Variants in CCDC167 observed in about 807,000 individuals in gnomAD.
The protein encoded by CCDC167 is coiled-coil domain containing 167, also known as coiled-coil domain-containing protein 167.
A neutral mutation model predicts 12.7 loss-of-function variants in CCDC167; 15 were observed. The observed-to-expected ratio is 1.18, with a 90% CI of 0.79 to 1.81. The LOEUF is 1.81. Among genes scored for constraint, CCDC167 ranks in the 40% most tolerant of loss-of-function variants. The pLI, the probability that CCDC167 is intolerant of heterozygous loss-of-function variation, is 0.00. For missense variants in CCDC167, 121 were observed against 120.1 expected (o/e 1.01, Z -0.03); for synonymous variants, 52 against 49.0 (o/e 1.06, Z -0.26).
Position 37,485,080 on chromosome 6 carries a change from T to C in CCDC167, c.137+20A>G. 1 of 1,596,292 alleles carries C rather than the reference T, an allele frequency of 6.3e-7. No homozygotes were observed. The highest frequency in any genetic ancestry group is 1.3e-5 in the African/African-American group (1 of 74,462). On this transcript the variant is annotated intron_variant, in intron 2 of 3. Coordinates refer to ENST00000373408, the MANE Select transcript of CCDC167 (RefSeq NM_138493.3). ...GGGGGCCTGATGGGGAAGGGTGGGG[T>C]GGCTGGGCAGGAGCATTACCTGGCC...
At chr6:37,488,354 G>A (rs35553650) in intron 1 of CCDC167, among the ~76,000 whole-genome samples, 3,082 of 152,262 alleles carry the variant, frequency 0.02, 46 homozygotes, top group Non-Finnish European at 0.031. Flanking sequence ...AGGAAGTCCC[G>A]ACTTGGATTT....
chr6:37,485,046 A>T, intron 2 of CCDC167, 54 bp downstream of exon 2: 1 of 1,348,618 alleles, frequency 7.4e-7, no homozygotes, highest in South Asian at 1.2e-5. Context: ...CAGGATAGAT[A>T]CAGGGGGTGG....
At chr6:37,499,507 T>C (rs1395578275) in intron 1 of CCDC167, among the ~76,000 whole-genome samples, 1 of 152,160 alleles carries the variant, frequency 6.6e-6, no homozygotes, top group Non-Finnish European at 1.5e-5. Flanking sequence ...ATCCCTTTTG[T>C]TCTGTGTCCC....
chr6:37,494,048 G>T (rs1003993855), intron 1 of CCDC167, among the ~76,000 whole-genome samples: 5 of 141,360 alleles, frequency 3.5e-5, no homozygotes, highest in East Asian at 4.4e-4. Flanking sequence ...CATGGTCAGT[G>T]ATCCTGCCTT....
At chr6:37,484,887 G>C in intron 2 of CCDC167, 25 bp from the exon 3 acceptor site, 1 of 1,614,124 alleles carries the variant, frequency 6.2e-7, no homozygotes, top group Non-Finnish European at 8.5e-7. Context: ...GAGCTTCATG[G>C]ACCAAACCCT....
At chr6:37,494,647 G>A (rs1296332074) in intron 1 of CCDC167, among the ~76,000 whole-genome samples, 1 of 152,162 alleles carries the variant, frequency 6.6e-6, no homozygotes, top group Admixed American at 6.6e-5. Flanking sequence ...AAGGGACAGT[G>A]TTGTTCCTTC....
intron 1 of CCDC167, among the ~76,000 whole-genome samples, chr6:37,489,812 A>G (rs1189922381): frequency 6.6e-6 from 1 of 152,220 alleles, no homozygotes; most frequent in African/African-American, 2.4e-5. Context: ...GCTGGCAGGA[A>G]GAGGCATGCC....
intron 1 of CCDC167, among the ~76,000 whole-genome samples, chr6:37,493,461 C>T (rs979064872): frequency 4.6e-5 from 7 of 152,274 alleles, no homozygotes; most frequent in African/African-American, 1.4e-4. Context: ...ACTCCACACA[C>T]GCCGCCATCC....
In CCDC167 at chr6:37,492,328, A is replaced by G. The variant is rs184592373; in HGVS notation, c.43-7134T>C. ...AAGCTTGCTGATCTGGCTTCAACAG[A>G]TTCTCTACTCGGAATAATCTTGTAC... On this transcript the variant is annotated intron_variant, in intron 1 of 3. Transcript: ENST00000373408. 9.7e-4 allele frequency among the ~76,000 whole-genome samples: 148 copies of G among 152,314 alleles called. 4 individuals are homozygous for G. The East Asian group carries it at 0.026, about 26-fold the overall frequency.
chr6:37,498,515 TAA>T (rs34494456), intron 1 of CCDC167, among the ~76,000 whole-genome samples: 7 of 145,718 alleles, frequency 4.8e-5, no homozygotes, highest in African/African-American at 7.6e-5. Flanking sequence ...GTGTGGCTTG[TAA>T]AAAAAAAAAA....
At chr6:37,484,961 CGGCAGGGGG>C in intron 2 of CCDC167, 99 bp from the exon 3 acceptor site, 3 of 1,508,932 alleles carry the variant, frequency 2.0e-6, no homozygotes, top group Non-Finnish European at 2.7e-6. Context: ...TCTTGTTCGG[CGGCAGGGGG>C]GGTGTGCACT....
At chr6:37,499,194 G>T (rs1762134832) in intron 1 of CCDC167, among the ~76,000 whole-genome samples, 1 of 152,204 alleles carries the variant, frequency 6.6e-6, no homozygotes, top group African/African-American at 2.4e-5. Flanking sequence ...ACAATGCAAT[G>T]AAAGTAGCAC....
chr6:37,497,967 C>A (rs1272163761), intron 1 of CCDC167, among the ~76,000 whole-genome samples: 1 of 152,134 alleles, frequency 6.6e-6, no homozygotes, highest in African/African-American at 2.4e-5. Context: ...TACAGTAGGA[C>A]AGCTGAAACA....
intron 1 of CCDC167, among the ~76,000 whole-genome samples, chr6:37,488,634 G>A (rs528036760): frequency 4.4e-4 from 67 of 152,360 alleles, no homozygotes; most frequent in African/African-American, 1.5e-3. Context: ...CCAGGTAAGT[G>A]AGTGGTAAGG....
At position 37,484,972 on chromosome 6, in the gene CCDC167, G is replaced by C. The variant is rs1428128340; in HGVS notation, c.138-110C>G. On this transcript the variant is annotated intron_variant, in intron 2 of 3. Coordinates refer to ENST00000373408, the MANE Select transcript of CCDC167 (RefSeq NM_138493.3). ...TGGGTCTTGTTCGGCGGCAGGGGGG[G>C]TGTGCACTGAAGCTAAGATGTCAGG... is the stretch of plus-strand genomic sequence containing the variant. The C allele has an allele frequency of 6.8e-6, 10 of 1,463,894 alleles. No homozygotes were observed. In the East Asian group the frequency reaches 9.1e-5, roughly 13 times the overall value. The allele number at this position is 1,463,894 out of a possible 1,614,324, so 90.7% of individuals were successfully genotyped here.
chr6:37,492,508 G>C (rs1762035382), intron 1 of CCDC167, among the ~76,000 whole-genome samples: 2 of 152,168 alleles, frequency 1.3e-5, no homozygotes, highest in Non-Finnish European at 2.9e-5. Flanking sequence ...CAGGCATTTT[G>C]CCCCAGATCA....
At chr6:37,492,124 C>T (rs1462079651) in intron 1 of CCDC167, among the ~76,000 whole-genome samples, 1 of 152,200 alleles carries the variant, frequency 6.6e-6, no homozygotes, top group East Asian at 1.9e-4. Context: ...GTTTTCAGCA[C>T]CTTGCCCAAG....
intron 2 of CCDC167, 26 bp downstream of exon 2, chr6:37,485,074 G>A (rs753968384): frequency 5.0e-6 from 8 of 1,590,314 alleles, no homozygotes; most frequent in Admixed American, 5.0e-5. Context: ...ATGGGGAAGG[G>A]TGGGGTGGCT....
intron 1 of CCDC167, among the ~76,000 whole-genome samples, chr6:37,496,208 C>T (rs758080619): frequency 1.1e-4 from 17 of 152,082 alleles, no homozygotes; most frequent in South Asian, 2.1e-4. Flanking sequence ...CCGAGGCGGG[C>T]GGATCACTTG....
Sources: gnomAD v4.1 joint callset for allele counts (sites outside exome capture counted in the v4.1 genomes callset) on GRCh38, gnomAD v4.1.1 for gene constraint, MANE v1.5 for transcripts, NCBI Gene and HGNC (gene_info 2026-07-23, HGNC 2026-07-21) for gene names.